Variants in ZNF536 observed in about 807,000 individuals in gnomAD.
ZNF536 encodes zinc finger protein 536.
Under a neutral mutation model 84.5 loss-of-function variants are expected in ZNF536, and 13 were observed. The ratio of observed to expected loss-of-function variants is 0.15; its 90% CI spans 0.10 to 0.24. The LOEUF (loss-of-function observed/expected upper bound fraction) is 0.24. Ranked by LOEUF, ZNF536 falls within the 10% of genes least tolerant of loss-of-function variation. The pLI, the probability that ZNF536 is intolerant of heterozygous loss-of-function variation, is 1.00. For synonymous variants in ZNF536, 811 were observed against 742.5 expected (o/e 1.09, Z -1.50); for missense variants, 1,536 against 1,747.5 (o/e 0.88, Z 2.16).
chr19:30,381,391 C>G (rs967474708), intron 1 of ZNF536, among the ~76,000 whole-genome samples: 1 of 152,124 alleles, frequency 6.6e-6, no homozygotes, highest in Non-Finnish European at 1.5e-5. Context: ...ATTATTCCCA[C>G]TGGAAAAAAG....
chr19:30,710,700 CT>C (rs1407741531), intron 1 of ZNF536: 2 of 152,182 alleles, frequency 1.3e-5, no homozygotes. Context: ...CCTTTGAGCC[CT>C]GGGGGCCAGG....
At chr19:30,236,833 G>A (rs1245388035) in intron 1 of ZNF536, among the ~76,000 whole-genome samples, 1 of 152,168 alleles carries the variant, frequency 6.6e-6, no homozygotes, top group Non-Finnish European at 1.5e-5. Context: ...TGGTAGGGAT[G>A]TGTATGCCCG....
chr19:30,314,906 C>A (rs1335260611), intron 2 of ZNF536, among the ~76,000 whole-genome samples: 1 of 152,192 alleles, frequency 6.6e-6, no homozygotes. Context: ...GATCCCCCAC[C>A]CACTGGCCCC....
chr19:30,639,523 C>T (rs968991694), intron 1 of ZNF536, among the ~76,000 whole-genome samples: 9 of 152,218 alleles, frequency 5.9e-5, no homozygotes, highest in Non-Finnish European at 1.3e-4. Context: ...GGCAGCACAG[C>T]TCTGGATGGT....
chr19:30,456,308 C>CTTTTTTTTTTTTTTTTTTTT (rs11301441), intron 2 of ZNF536, among the ~76,000 whole-genome samples: 6 of 108,090 alleles, frequency 5.6e-5, no homozygotes, highest in Non-Finnish European at 7.6e-5. Context: ...TGTTTCTTTT[C>CTTTTTTTTTTTTTTTTTTTT]TTTTTTTTTT....
intron 1 of ZNF536, among the ~76,000 whole-genome samples, chr19:30,685,715 C>T (rs993148784): frequency 4.6e-5 from 7 of 152,170 alleles, no homozygotes; most frequent in South Asian, 2.1e-4. Context: ...GAAATGGCCC[C>T]GTGCAGAGGC....
intron 1 of ZNF536, among the ~76,000 whole-genome samples, chr19:30,439,511 C>T (rs1656462023): frequency 6.6e-6 from 1 of 152,182 alleles, no homozygotes; most frequent in African/African-American, 2.4e-5. Flanking sequence ...ACCAATTACC[C>T]CATACTCTTT....
intron 1 of ZNF536, among the ~76,000 whole-genome samples, chr19:30,385,739 C>G (rs11667409): frequency 0.5 from 75,718 of 152,092 alleles, 21,825 homozygotes; most frequent in Non-Finnish European, 0.64. Context: ...CCCAACTTTT[C>G]AGACTTGATG....
At chr19:30,303,198 C>T (rs914373132) in intron 2 of ZNF536, among the ~76,000 whole-genome samples, 2 of 152,146 alleles carry the variant, frequency 1.3e-5, no homozygotes, top group African/African-American at 4.8e-5. Context: ...ACAGAGCACA[C>T]CACCTTGTGT....
At chr19:30,450,030 A>C (rs1009874222) in intron 2 of ZNF536, among the ~76,000 whole-genome samples, 6 of 151,310 alleles carry the variant, frequency 4.0e-5, no homozygotes, top group Non-Finnish European at 7.4e-5. Flanking sequence ...GAAGAAAAAG[A>C]AAAAGAAAAA....
intron 1 of ZNF536, among the ~76,000 whole-genome samples, chr19:30,374,580 G>C (rs988309046): frequency 1.3e-5 from 2 of 152,152 alleles, no homozygotes; most frequent in Non-Finnish European, 2.9e-5. Flanking sequence ...CCTTGGCACC[G>C]CCTCGGTGCC....
At chr19:30,451,129 A>G (rs890440701) in intron 2 of ZNF536, among the ~76,000 whole-genome samples, 1 of 152,222 alleles carries the variant, frequency 6.6e-6, no homozygotes, top group African/African-American at 2.4e-5. Flanking sequence ...CTAGGCGAAT[A>G]AGCCGGCTGG....
intron 1 of ZNF536, among the ~76,000 whole-genome samples, chr19:30,426,929 G>T (rs1454273489): frequency 6.6e-6 from 1 of 152,072 alleles, no homozygotes; most frequent in Non-Finnish European, 1.5e-5. Context: ...TTCTTCTTTA[G>T]TCCACCCACT....
At chr19:30,362,400 C>T (rs190274410) in intron 3 of ZNF536, among the ~76,000 whole-genome samples, 1 of 152,312 alleles carries the variant, frequency 6.6e-6, no homozygotes, top group African/African-American at 2.4e-5. Context: ...GGCCACTTTG[C>T]AGAAAGTACT....
In ZNF536 at chr19:30,268,305, A is replaced by C. The variant is rs771434731; in HGVS notation, c.-189-15767A>C. Among the ~76,000 whole-genome samples the C allele has an allele frequency of 4.1e-4, 62 of 152,196 alleles. 1 individual carries two copies. The highest frequency in any genetic ancestry group is 2.4e-3 in the Admixed American group (37 of 15,268). On this transcript the variant is annotated intron_variant, in intron 1 of 5. Transcript: ENST00000585628. ...TTGCAGGACCACCCAATCAGAGTTC[A>C]GCTGTGCATCTGTGGTCAGTGCTAT...
chr19:30,515,925 G>A lies in ZNF536; in HGVS notation c.2171-18922G>A, dbSNP rs183816740. 2.7e-3 allele frequency among the ~76,000 whole-genome samples: 406 copies of A among 151,222 alleles called. 1 individual carries two copies. The highest frequency in any genetic ancestry group is 9.6e-3 in the African/African-American group (395 of 41,054). The stretch of plus-strand genomic sequence containing the variant: ...GCCTGTATTCCCAGCTACTCGTGGG[G>A]CTGAGGCAGGAGAATCGTTTGAACC... On this transcript the variant is annotated intron_variant, in intron 2 of 4. Transcript: ENST00000355537.
intron 1 of ZNF536, among the ~76,000 whole-genome samples, chr19:30,411,720 A>G (rs188960372): frequency 9.2e-5 from 14 of 152,174 alleles, no homozygotes; most frequent in Non-Finnish European, 1.3e-4. Context: ...CTGTATTTTG[A>G]TTTGATAGTA....
intron 2 of ZNF536, among the ~76,000 whole-genome samples, chr19:30,334,760 G>A (rs111468152): frequency 2.0e-5 from 3 of 152,162 alleles, no homozygotes; most frequent in Non-Finnish European, 4.4e-5. Flanking sequence ...TGGCACCGGG[G>A]ATCTGTTTCA....
At chr19:30,672,583 C>T (rs978386069) in intron 1 of ZNF536, among the ~76,000 whole-genome samples, 68 of 152,178 alleles carry the variant, frequency 4.5e-4, no homozygotes, top group African/African-American at 1.6e-3. Flanking sequence ...TCCCATTCCT[C>T]TCCAATCCTA....
Sources: allele counts gnomAD v4.1 joint callset (sites outside exome capture counted in the v4.1 genomes callset), GRCh38; gene constraint gnomAD v4.1.1; transcripts MANE v1.5; gene names NCBI Gene and HGNC (gene_info 2026-07-23, HGNC 2026-07-21).